REEP3: variants seen among roughly 807,000 people sequenced by gnomAD.
The protein encoded by REEP3 is receptor expression-enhancing protein 3.
Under a neutral mutation model 41.3 loss-of-function variants are expected in REEP3, and 20 were observed. The observed-to-expected ratio is 0.48, with a 90% CI of 0.34 to 0.70. REEP3 has a LOEUF of 0.70. REEP3 is among the 30% of genes least tolerant of loss of function. REEP3 has a pLI of 0.01. For synonymous variants in REEP3, 104 were observed against 101.8 expected (o/e 1.02, Z -0.13); for missense variants, 271 against 308.8 (o/e 0.88, Z 0.92).
At chr10:63,589,812 G>T (rs35550445) in intron 2 of REEP3, among the ~76,000 whole-genome samples, 19,389 of 45,008 alleles carry the variant, frequency 0.43, 2,293 homozygotes, top group Non-Finnish European at 0.51. Context: ...TTTTTTTTTT[G>T]GAAACGGAGT....
At chr10:63,547,752 T>G (rs1955592276) in intron 1 of REEP3, among the ~76,000 whole-genome samples, 1 of 152,186 alleles carries the variant, frequency 6.6e-6, no homozygotes, top group Admixed American at 6.5e-5. Flanking sequence ...GAAAAGCTCT[T>G]CTACCATTTG....
chr10:63,586,991 T>TTC (rs919672055), intron 2 of REEP3, among the ~76,000 whole-genome samples: 11 of 152,082 alleles, frequency 7.2e-5, no homozygotes, highest in Admixed American at 7.2e-4. Context: ...CATGTTTTTT[T>TTC]TTTTTTTGCA....
Position 63,619,749 on chromosome 10 carries a change from T to C in REEP3, c.660T>C (p.Leu220=), listed in dbSNP as rs1347398881. ...ATGAGATGTTAACACACAAAGGGCT[T>C]CGAAGATCGCAAAGCATGAAATCTG... is the stretch of plus-strand genomic sequence containing the variant. ...SDNEMLTHKG[L]RRSQSMKSVK... The change falls in exon 7 of 8, where the codon CTT becomes CTC. Residue 220 remains leucine (L), a synonymous_variant. Coordinates refer to ENST00000373758, the MANE Select transcript of REEP3 (RefSeq NM_001001330.3). The C allele has an allele frequency of 1.2e-5, 19 of 1,609,802 alleles. No homozygotes were observed. The highest frequency in any genetic ancestry group is 1.5e-5 in the Non-Finnish European group (18 of 1,178,138).
At chr10:63,541,383 C>G (rs1369747021) in intron 1 of REEP3, among the ~76,000 whole-genome samples, 1 of 152,060 alleles carries the variant, frequency 6.6e-6, no homozygotes, top group South Asian at 2.1e-4. Context: ...TCATATAGTT[C>G]TAGATTTTCC....
chr10:63,600,273 T>C (rs1477068464), intron 5 of REEP3, among the ~76,000 whole-genome samples: 3 of 152,170 alleles, frequency 2.0e-5, no homozygotes, highest in Non-Finnish European at 2.9e-5. Flanking sequence ...AGAGAGGTCT[T>C]TGACTCAAGT....
chr10:63,570,891 G>C (rs1205995390), intron 2 of REEP3, among the ~76,000 whole-genome samples: 1 of 152,118 alleles, frequency 6.6e-6, no homozygotes, highest in East Asian at 1.9e-4. Flanking sequence ...GAAGCAGGCT[G>C]ATCTCTTGAG....
intron 5 of REEP3, among the ~76,000 whole-genome samples, chr10:63,600,626 C>A (rs1430146786): frequency 6.6e-6 from 1 of 152,052 alleles, no homozygotes; most frequent in African/African-American, 2.4e-5. Context: ...AAAAGATTAT[C>A]CAGGAGATAA....
At chr10:63,585,783 T>A (rs1243413135) in intron 2 of REEP3, among the ~76,000 whole-genome samples, 1 of 152,204 alleles carries the variant, frequency 6.6e-6, no homozygotes, top group Non-Finnish European at 1.5e-5. Flanking sequence ...GAAGTTAATA[T>A]GCCATTACTG....
chr10:63,581,867 C>CTT (rs34810180), intron 2 of REEP3, among the ~76,000 whole-genome samples: 98 of 141,194 alleles, frequency 6.9e-4, no homozygotes, highest in African/African-American at 1.9e-3. Flanking sequence ...GGTTCAGCTC[C>CTT]TTTTTTTTTT....
chr10:63,542,085 G>GT (rs56908733), intron 1 of REEP3, among the ~76,000 whole-genome samples: 35,615 of 145,024 alleles, frequency 0.25, 5,359 homozygotes, highest in African/African-American at 0.42. Context: ...TTTTGTTTTT[G>GT]TTTTTTTTTT....
intron 1 of REEP3, among the ~76,000 whole-genome samples, chr10:63,555,894 A>G (rs1955674139): frequency 1.3e-5 from 2 of 152,180 alleles, no homozygotes; most frequent in South Asian, 2.1e-4. Context: ...CTACTGAACC[A>G]TTTGTAAGGG....
chr10:63,568,959 A>C (rs1955828797), intron 2 of REEP3, among the ~76,000 whole-genome samples: 1 of 152,144 alleles, frequency 6.6e-6, no homozygotes, highest in South Asian at 2.1e-4. Context: ...CACAGTGCCC[A>C]ACTCCCAAAT....
rs181145840 is a variant in REEP3, at chr10:63,599,655, G to A, written c.417+372G>A. On this transcript the variant is annotated intron_variant, in intron 5 of 7. Coordinates refer to ENST00000373758, the MANE Select transcript of REEP3 (RefSeq NM_001001330.3). ...CTTTTTTTCTGTCTCTTTGTCAATG[G>A]CAATATCTTGGTAGGATTTCTGGCT... 6 of 978,922 alleles carry A rather than the reference G, an allele frequency of 6.1e-6. No individual in the cohort carries two copies. In the South Asian group the frequency reaches 1.4e-4, roughly 23 times the overall value. 60.6% of individuals were successfully genotyped at this position (978,922 alleles called of 1,614,324 possible). A position where few individuals can be genotyped will look rare whatever the true frequency, so the allele number is the denominator to read the frequency against.
intron 1 of REEP3, among the ~76,000 whole-genome samples, chr10:63,534,104 A>G (rs943541954): frequency 5.9e-5 from 9 of 152,054 alleles, no homozygotes; most frequent in Admixed American, 1.3e-4. Context: ...GAGATATTCT[A>G]AAAAAAACCT....
At chr10:63,603,168 G>C (rs966910507) in intron 5 of REEP3, among the ~76,000 whole-genome samples, 2 of 151,658 alleles carry the variant, frequency 1.3e-5, no homozygotes, top group East Asian at 1.9e-4. Context: ...AAAAAATTAG[G>C]TGGGCGTGGT....
chr10:63,589,293 C>T (rs1956035701), intron 2 of REEP3, among the ~76,000 whole-genome samples: 1 of 148,210 alleles, frequency 6.7e-6, no homozygotes, highest in African/African-American at 2.5e-5. Context: ...AAAGGGCTAA[C>T]AGGTTTAGTA....
At chr10:63,558,602 C>T (rs759465591) in intron 1 of REEP3, among the ~76,000 whole-genome samples, 19 of 152,142 alleles carry the variant, frequency 1.2e-4, no homozygotes, top group Non-Finnish European at 5.9e-5. Flanking sequence ...GCCTGGCCAA[C>T]ATGGCAAGAC....
chr10:63,564,062 A>G (rs2133373506), intron 1 of REEP3, among the ~76,000 whole-genome samples: 1 of 152,350 alleles, frequency 6.6e-6, no homozygotes, highest in Middle Eastern at 3.4e-3. Flanking sequence ...GGAAACCTAA[A>G]TAAAGTATAA....
intron 2 of REEP3, among the ~76,000 whole-genome samples, chr10:63,584,045 T>C (rs965482785): frequency 2.0e-5 from 3 of 152,148 alleles, no homozygotes; most frequent in African/African-American, 7.2e-5. Flanking sequence ...GAGGTCAGGG[T>C]TGAGATATAT....
Sources: gnomAD v4.1 joint callset for allele counts (sites outside exome capture counted in the v4.1 genomes callset) on GRCh38, gnomAD v4.1.1 for gene constraint, MANE v1.5 for transcripts, NCBI Gene and HGNC (gene_info 2026-07-23, HGNC 2026-07-21) for gene names.